LSAMP: variants seen among roughly 807,000 people sequenced by gnomAD.
LSAMP encodes limbic system associated membrane protein, also known as limbic system-associated membrane protein.
LSAMP carries 7 observed loss-of-function variants against 38.6 expected under a neutral mutation model. The observed-to-expected ratio is 0.18, with a 90% confidence interval of 0.10 to 0.34. The LOEUF is 0.34. Ranked by LOEUF, LSAMP falls within the 10% of genes least tolerant of loss-of-function variation. LSAMP has a pLI of 1.00. For missense variants in LSAMP, 313 were observed against 420.0 expected, an observed-to-expected ratio of 0.75 and a Z score of 2.23; for synonymous variants, 154 against 166.8, an observed-to-expected ratio of 0.92 and a Z score of 0.59.
intron 1 of LSAMP, among the ~76,000 whole-genome samples, chr3:116,391,295 G>A (rs1295453644): frequency 1.4e-5 from 2 of 144,216 alleles, no homozygotes; most frequent in East Asian, 2.3e-4. Flanking sequence ...CCTGTGCCCC[G>A]CCCCCCCCGT....
At chr3:115,943,721 G>A (rs11707348) in intron 3 of LSAMP, among the ~76,000 whole-genome samples, 1 of 152,280 alleles carries the variant, frequency 6.6e-6, no homozygotes, top group Admixed American at 6.5e-5. Flanking sequence ...AACTGTACAC[G>A]TGGAGATTTA....
At chr3:115,896,659 T>G (rs1936736040) in intron 3 of LSAMP, among the ~76,000 whole-genome samples, 2 of 152,088 alleles carry the variant, frequency 1.3e-5, no homozygotes, top group South Asian at 4.1e-4. Context: ...TGCAAAACAA[T>G]GTAGATAATC....
intron 1 of LSAMP, among the ~76,000 whole-genome samples, chr3:116,198,409 A>G (rs1291348786): frequency 1.3e-5 from 2 of 152,168 alleles, no homozygotes; most frequent in Non-Finnish European, 2.9e-5. Flanking sequence ...GAGTACTCCA[A>G]CAAAAAAGAT....
chr3:116,186,537 A>T (rs1212048896), intron 1 of LSAMP, among the ~76,000 whole-genome samples: 1 of 152,176 alleles, frequency 6.6e-6, no homozygotes, highest in African/African-American at 2.4e-5. Context: ...CCTAATCAAG[A>T]TAAGGATAAT....
chr3:116,067,215 C>T (rs1378401765), intron 2 of LSAMP, among the ~76,000 whole-genome samples: 2 of 152,126 alleles, frequency 1.3e-5, no homozygotes, highest in Non-Finnish European at 2.9e-5. Context: ...CTTGTACCCT[C>T]CTAGAGAGCA....
At position 116,345,122 on chromosome 3, in the gene LSAMP, A is replaced by T. The variant is rs144425766; in HGVS notation, c.155+99755T>A. Among the ~76,000 whole-genome samples the T allele has an allele frequency of 2.6e-4, 40 of 152,274 alleles. 1 individual carries two copies. In the East Asian group the frequency reaches 7.5e-3, roughly 29 times the overall value. ...AAGGATGCCCTCTGCTCTCATGGAG[A>T]TTACTATTTGTCTGCTTTGCTTGAT... is the stretch of plus-strand genomic sequence containing the variant. On this transcript the variant is annotated intron_variant, in intron 1 of 6. Transcript: ENST00000490035.
At chr3:116,120,058 C>T (rs1456910312) in intron 1 of LSAMP, among the ~76,000 whole-genome samples, 1 of 151,956 alleles carries the variant, frequency 6.6e-6, no homozygotes, top group African/African-American at 2.4e-5. Context: ...ATAAGGCAGC[C>T]AGAAAATACA....
chr3:116,270,043 C>T (rs183559505), intron 1 of LSAMP, among the ~76,000 whole-genome samples: 103 of 152,242 alleles, frequency 6.8e-4, no homozygotes, highest in Middle Eastern at 3.4e-3. Context: ...AATCATCAAC[C>T]CTACCTCCCA....
At chr3:116,308,074 T>C (rs1206483197) in intron 1 of LSAMP, among the ~76,000 whole-genome samples, 1 of 151,990 alleles carries the variant, frequency 6.6e-6, no homozygotes, top group Non-Finnish European at 1.5e-5. Context: ...TTTTATTTGT[T>C]TTAAATCAAC....
chr3:116,305,463 C>CTGT (rs2047468836), intron 1 of LSAMP, among the ~76,000 whole-genome samples: 1 of 151,918 alleles, frequency 6.6e-6, no homozygotes, highest in Non-Finnish European at 1.5e-5. Context: ...ACAAAAATGA[C>CTGT]AACCTCTAGT....
intron 1 of LSAMP, among the ~76,000 whole-genome samples, chr3:116,301,134 A>T (rs546107232): frequency 6.6e-6 from 1 of 152,216 alleles, no homozygotes; most frequent in Admixed American, 6.5e-5. Flanking sequence ...TTTGATATCA[A>T]CTATAACCAG....
intron 1 of LSAMP, among the ~76,000 whole-genome samples, chr3:116,366,285 A>G (rs574601494): frequency 6.6e-5 from 10 of 152,306 alleles, no homozygotes; most frequent in African/African-American, 2.2e-4. Flanking sequence ...TTTCCCTACC[A>G]AACTGAGCAA....
At chr3:116,209,711 G>T (rs1218676621) in intron 1 of LSAMP, among the ~76,000 whole-genome samples, 1 of 151,996 alleles carries the variant, frequency 6.6e-6, no homozygotes, top group African/African-American at 2.4e-5. Context: ...TAGGGTCTCT[G>T]ATTGAACAAA....
chr3:115,905,419 C>A (rs749787770), intron 3 of LSAMP, among the ~76,000 whole-genome samples: 23 of 152,048 alleles, frequency 1.5e-4, no homozygotes, highest in Non-Finnish European at 2.9e-4. Flanking sequence ...TTACCTTCCT[C>A]CCTGCTGAGT....
chr3:116,297,344 T>A (rs1355398329), intron 1 of LSAMP, among the ~76,000 whole-genome samples: 1 of 152,168 alleles, frequency 6.6e-6, no homozygotes. Context: ...TCAAAGAAAT[T>A]CACCCTAGAT....
chr3:116,368,740 G>A (rs942089361), intron 1 of LSAMP, among the ~76,000 whole-genome samples: 21 of 152,268 alleles, frequency 1.4e-4, no homozygotes, highest in African/African-American at 5.1e-4. Flanking sequence ...TAAGATAAAA[G>A]AATAATTAGT....
At chr3:115,929,280 C>T (rs1937543466) in intron 3 of LSAMP, among the ~76,000 whole-genome samples, 1 of 151,984 alleles carries the variant, frequency 6.6e-6, no homozygotes, top group African/African-American at 2.4e-5. Flanking sequence ...CCTAAAGAGC[C>T]AGGAGCAGAG....
rs35506484 is a variant in LSAMP at position 116,019,157 on chromosome 3, TGG to T, written c.514+356_514+357del. Among the ~76,000 whole-genome samples the T allele has an allele frequency of 8.2e-3, 800 of 97,718 alleles. 7 individuals carry two copies. The highest frequency in any genetic ancestry group is 0.023 in the Middle Eastern group (3 of 128). The allele number at this position is 97,718 out of a possible 152,430, so 64.1% of individuals were successfully genotyped here. On this transcript the variant is annotated intron_variant, in intron 3 of 6. Coordinates refer to ENST00000490035, the MANE Select transcript of LSAMP (RefSeq NM_002338.5). ...GCTTCTGTATTTGTTGCATTGTGGGTGGGGGGGGGGGGGCTGTTCTATTGAAA... is the reference window on the plus strand; with the variant it reads ...GCTTCTGTATTTGTTGCATTGTGGGTGGGGGGGGGGGCTGTTCTATTGAAA...
At chr3:116,118,708 T>C (rs1708808707) in intron 1 of LSAMP, among the ~76,000 whole-genome samples, 1 of 152,194 alleles carries the variant, frequency 6.6e-6, no homozygotes, top group African/African-American at 2.4e-5. Flanking sequence ...CCCACACACA[T>C]GCCTGATAAA....
Sources: allele counts gnomAD v4.1 joint callset (sites outside exome capture counted in the v4.1 genomes callset), GRCh38; gene constraint gnomAD v4.1.1; transcripts MANE v1.5; gene names NCBI Gene and HGNC (gene_info 2026-07-23, HGNC 2026-07-21).